The following MAPKAPK5 variants were observed in gnomAD, a reference collection of about 807,000 sequenced individuals.
MAPKAPK5 encodes MAP kinase-activated protein kinase 5.
MAPKAPK5 carries 30 observed loss-of-function variants against 65.1 expected under a neutral mutation model. The ratio of observed to expected loss-of-function variants is 0.46; its 90% CI spans 0.34 to 0.63. The LOEUF is 0.63. Among genes scored for constraint, MAPKAPK5 ranks in the 20% least tolerant of loss-of-function variants. The pLI, the probability that MAPKAPK5 is intolerant of heterozygous loss-of-function variation, is 0.01. For missense variants in MAPKAPK5, 433 were observed against 581.4 expected, an observed-to-expected ratio of 0.74 and a Z score of 2.63; for synonymous variants, 179 against 204.6, an observed-to-expected ratio of 0.87 and a Z score of 1.07.
chr12:111,858,416 A>G (rs1032566142), intron 1 of MAPKAPK5, among the ~76,000 whole-genome samples: 2 of 151,596 alleles, frequency 1.3e-5, no homozygotes, highest in East Asian at 1.9e-4. Context: ...AACGCTTGAC[A>G]TTATTCTACA....
At position 111,883,531 on chromosome 12, in the gene MAPKAPK5, T is replaced by C. The variant is rs368267945; in HGVS notation, c.661-50T>C. 2.6e-6 allele frequency: 4 copies of C among 1,555,974 alleles called. No individual in the cohort carries two copies. Among genetic ancestry groups the C allele is most frequent in the East Asian group, 2.2e-5 (1 of 44,594 alleles). ...CCTGAGCCTGTCATGGGGTGTTTAT[T>C]TGGGGGCTCTGCTTCTGCTGTGAGT... On this transcript the variant is annotated intron_variant, in intron 8 of 13. Coordinates refer to ENST00000550735, the MANE Select transcript of MAPKAPK5 (RefSeq NM_003668.4). This position sits in a 1 kb window ranked among gnomAD's most constrained non-coding sequence, Gnocchi z 4.8.
In MAPKAPK5 at chr12:111,900,481, C is replaced by CT; in HGVS notation, c.*7421dup. ...GAAAGTGGCTTCAGCAGCTGCAGCT[C>CT]TGACTACTTCTACCAGTTCCTTCGA... On this transcript the variant is annotated 3_prime_UTR_variant, in exon 14 of 14. Transcript: ENST00000550735. The CT allele has an allele frequency of 2.2e-6, 1 of 456,092 alleles. No individual in the cohort carries two copies. Among genetic ancestry groups the CT allele is most frequent in the South Asian group, 1.5e-5 (1 of 64,560 alleles). The allele number at this position is 456,092 out of a possible 1,614,324, so 28.3% of individuals were successfully genotyped here.
chr12:111,881,586 A>G (rs2070232158), intron 8 of MAPKAPK5, among the ~76,000 whole-genome samples: 1 of 151,330 alleles, frequency 6.6e-6, no homozygotes, highest in Non-Finnish European at 1.5e-5. Context: ...TTGTATTTTT[A>G]GGAGAGATGA....
At chr12:111,892,837 G>A in intron 13 of MAPKAPK5, 130 bp from the exon 14 acceptor site, 1 of 554,052 alleles carries the variant, frequency 1.8e-6, no homozygotes, top group Non-Finnish European at 3.2e-6. Flanking sequence ...TTTGATCAGT[G>A]GTGGGGGTGG....
rs2068750779 is a variant in MAPKAPK5 at position 111,842,676 on chromosome 12, C to T, written c.-58C>T. 1.5e-6 allele frequency: 2 copies of T among 1,298,624 alleles called. No homozygotes were observed. Among genetic ancestry groups the T allele is most frequent in the Non-Finnish European group, 9.9e-7 (1 of 1,008,878 alleles). The allele number at this position is 1,298,624 out of a possible 1,614,324, so 80.4% of individuals were successfully genotyped here. ...CGAGCCCTTTGCTCCCTCGGCCGCG[C>T]GGGGACAGGGCTGCTGAGCAGCCTC... is the stretch of plus-strand genomic sequence containing the variant. On this transcript the variant is annotated 5_prime_UTR_variant, in exon 1 of 14. Coordinates refer to ENST00000550735, the MANE Select transcript of MAPKAPK5 (RefSeq NM_003668.4).
rs1742872352 is a variant in MAPKAPK5 at position 111,894,636 on chromosome 12, A to G, written c.*1575A>G. ...CCTCTGGGCTGCATTTATCTTGTTTATTACCCTTCATTTTCAGGAAGCATG... is the reference window on the plus strand; with the variant it reads ...CCTCTGGGCTGCATTTATCTTGTTTGTTACCCTTCATTTTCAGGAAGCATG... On this transcript the variant is annotated 3_prime_UTR_variant, in exon 14 of 14. Coordinates refer to ENST00000550735, the MANE Select transcript of MAPKAPK5 (RefSeq NM_003668.4). 1 of 150,654 alleles carries G rather than the reference A, an allele frequency of 6.6e-6. No individual in the cohort carries two copies. Among genetic ancestry groups the G allele is most frequent in the African/African-American group, 2.4e-5 (1 of 40,840 alleles). 9.3% of individuals were successfully genotyped at this position (150,654 alleles called of 1,614,324 possible).
intron 1 of MAPKAPK5, among the ~76,000 whole-genome samples, chr12:111,861,106 G>A (rs1246971664): frequency 1.3e-5 from 2 of 151,100 alleles, no homozygotes; most frequent in Admixed American, 1.3e-4. Flanking sequence ...GGCGTGAGCC[G>A]AGATCGCGCC....
At chr12:111,858,490 A>G (rs1046066246) in intron 1 of MAPKAPK5, among the ~76,000 whole-genome samples, 9 of 133,998 alleles carry the variant, frequency 6.7e-5, no homozygotes, top group African/African-American at 2.6e-4. Flanking sequence ...CTTTCTATGT[A>G]TTTTCATGTT....
intron 9 of MAPKAPK5, among the ~76,000 whole-genome samples, chr12:111,884,189 G>A (rs1293203791): frequency 1.3e-5 from 2 of 152,070 alleles, no homozygotes; most frequent in Non-Finnish European, 2.9e-5. Flanking sequence ...GTCAGGCCTG[G>A]ACCCCACCCT....
rs12580246 is a variant in MAPKAPK5 at position 111,893,513 on chromosome 12, G to A, written c.*452G>A. 0.082 allele frequency: 12,431 copies of A among 152,324 alleles called. 587 individuals carry two copies. Among genetic ancestry groups the A allele is most frequent in the East Asian group, 0.23 (1,187 of 5,188 alleles). The allele number at this position is 152,324 out of a possible 1,614,324, so 9.4% of individuals were successfully genotyped here. A position where few individuals can be genotyped will look rare whatever the true frequency, so the allele number is the denominator to read the frequency against. ...AGACATTTTTGTGGCTGTCATTGCA[G>A]ACTGCTTGCTGGAACTCACAGGAGG... On this transcript the variant is annotated 3_prime_UTR_variant, in exon 14 of 14. Transcript: ENST00000550735.
At chr12:111,851,008 C>G (rs1361388866) in intron 1 of MAPKAPK5, among the ~76,000 whole-genome samples, 1 of 151,524 alleles carries the variant, frequency 6.6e-6, no homozygotes, top group African/African-American at 2.4e-5. Context: ...ACACCATTCT[C>G]CTGCCTCAGC....
intron 9 of MAPKAPK5, among the ~76,000 whole-genome samples, chr12:111,884,462 C>T (rs957972217): frequency 6.6e-6 from 1 of 152,216 alleles, no homozygotes; most frequent in East Asian, 1.9e-4. Flanking sequence ...CTGCCCGCCT[C>T]GGCCTTCCCA....
At chr12:111,878,408 ATTATTTATTTAT>A (rs200069361) in intron 7 of MAPKAPK5, among the ~76,000 whole-genome samples, 3 of 150,162 alleles carry the variant, frequency 2.0e-5, no homozygotes, top group Non-Finnish European at 4.4e-5. Flanking sequence ...CTATTTATTT[ATTATTTATTTAT>A]TTATTTATTT....
intron 9 of MAPKAPK5, among the ~76,000 whole-genome samples, chr12:111,884,067 G>A (rs900294667): frequency 5.3e-5 from 8 of 152,122 alleles, no homozygotes; most frequent in Non-Finnish European, 4.4e-5. Context: ...CTGGTGTGCT[G>A]TCCTTCTTAC....
chr12:111,900,235 T>C lies in MAPKAPK5; in HGVS notation c.*7174T>C, dbSNP rs1277762106. 5 of 455,858 alleles carry C rather than the reference T, an allele frequency of 1.1e-5. No homozygotes were observed. The highest frequency in any genetic ancestry group is 6.2e-5 in the South Asian group (4 of 64,562). The allele number at this position is 455,858 out of a possible 1,614,324, so 28.2% of individuals were successfully genotyped here. The stretch of plus-strand genomic sequence containing the variant: ...AAACACGATGTTGCCCACATGATCG[T>C]TGGGCATCACCCTGGACAGAATATG... On this transcript the variant is annotated 3_prime_UTR_variant, in exon 14 of 14. Transcript: ENST00000550735.
At chr12:111,885,734 C>T in intron 9 of MAPKAPK5, 182 bp from the exon 10 acceptor site, 2 of 634,284 alleles carry the variant, frequency 3.2e-6, no homozygotes, top group South Asian at 4.5e-5. Context: ...AAAGGACTGC[C>T]TCAAGCCATA....
intron 3 of MAPKAPK5, among the ~76,000 whole-genome samples, chr12:111,867,075 A>G (rs1276331002): frequency 2.6e-5 from 4 of 151,966 alleles, no homozygotes; most frequent in Admixed American, 2.6e-4. Flanking sequence ...GACCACAGGC[A>G]TTTGCCACCA....
chr12:111,880,500 C>G lies in MAPKAPK5; in HGVS notation c.633C>G (p.Thr211=). 1 of 1,612,854 alleles carries G rather than the reference C, an allele frequency of 6.2e-7. No individual in the cohort carries two copies. Among genetic ancestry groups the G allele is most frequent in the Non-Finnish European group, 8.5e-7 (1 of 1,179,524 alleles). ...AGGAGAAATCTGGCATCATACCTAC[C>G]TCACCGACGCCCTACACTTACAACA... ...HQKEKSGIIP[T]SPTPYTYNKS... is the part of the protein sequence containing the mutation. Residue 211 remains threonine, a synonymous_variant, in exon 8 of 14, where the codon ACC becomes ACG. Transcript: ENST00000550735.
Position 111,896,800 on chromosome 12 carries a change from AAT to A in MAPKAPK5, c.*3743_*3744del, listed in dbSNP as rs1469178026. On this transcript the variant is annotated 3_prime_UTR_variant, in exon 14 of 14. Transcript: ENST00000550735. Reference sequence around the variant, plus strand: ...TGTCTCTCTCTGACTAATATGTATGAATATAGGAGAATCCCAGTCTGAATTTA... The same window carrying A: ...TGTCTCTCTCTGACTAATATGTATGAATAGGAGAATCCCAGTCTGAATTTA... 1.3e-5 allele frequency: 2 copies of A among 152,266 alleles called. No homozygotes were observed. The highest frequency in any genetic ancestry group is 3.9e-4 in the East Asian group (2 of 5,180). 9.4% of individuals were successfully genotyped at this position (152,266 alleles called of 1,614,324 possible). A position where few individuals can be genotyped will look rare whatever the true frequency, so the allele number is the denominator to read the frequency against.
Sources: gnomAD v4.1 joint callset for allele counts (sites outside exome capture counted in the v4.1 genomes callset) on GRCh38, gnomAD v4.1.1 for gene constraint, Gnocchi (gnomAD v3.1) non-coding constraint, MANE v1.5 for transcripts, NCBI Gene and HGNC (gene_info 2026-07-23, HGNC 2026-07-21) for gene names.